Variants in MARCHF1 observed in about 807,000 individuals in gnomAD.
MARCHF1 encodes E3 ubiquitin-protein ligase MARCHF1.
Under a neutral mutation model 54.2 loss-of-function variants are expected in MARCHF1, and 40 were observed. The observed-to-expected ratio is 0.74, with a 90% CI of 0.57 to 0.96. The LOEUF (loss-of-function observed/expected upper bound fraction) is 0.96. MARCHF1 is among the 40% of genes least tolerant of loss of function. The pLI, the probability that MARCHF1 is intolerant of heterozygous loss-of-function variation, is 0.00. For missense variants in MARCHF1, 586 were observed against 656.5 expected, an observed-to-expected ratio of 0.89 and a Z score of 1.17; for synonymous variants, 236 against 236.3, an observed-to-expected ratio of 1.00 and a Z score of 0.01.
intron 5 of MARCHF1, among the ~76,000 whole-genome samples, chr4:163,651,797 CTT>C (rs112084563): frequency 6.2e-5 from 9 of 145,360 alleles, no homozygotes; most frequent in African/African-American, 7.5e-5. Context: ...TCCATTTCCA[CTT>C]TTTTTTTTTT....
intron 4 of MARCHF1, among the ~76,000 whole-genome samples, chr4:163,820,957 T>C (rs1203071868): frequency 6.6e-6 from 1 of 152,024 alleles, no homozygotes; most frequent in African/African-American, 2.4e-5. Flanking sequence ...AACTACCTGC[T>C]TAAAATTCCT....
At chr4:163,695,488 T>C (rs1691601199) in intron 5 of MARCHF1, among the ~76,000 whole-genome samples, 1 of 152,146 alleles carries the variant, frequency 6.6e-6, no homozygotes, top group African/African-American at 2.4e-5. Context: ...CCTTGAAATT[T>C]TGTAAGATAT....
chr4:163,756,214 T>G (rs1444336129), intron 4 of MARCHF1, among the ~76,000 whole-genome samples: 1 of 152,154 alleles, frequency 6.6e-6, no homozygotes, highest in Non-Finnish European at 1.5e-5. Context: ...AGAAAAATAC[T>G]TTGTCCAAAG....
chr4:163,558,061 T>C (rs1739347538), intron 8 of MARCHF1, among the ~76,000 whole-genome samples: 1 of 152,072 alleles, frequency 6.6e-6, no homozygotes, highest in Non-Finnish European at 1.5e-5. Context: ...TCTGTGAAAA[T>C]ACATGGAGTT....
chr4:163,761,152 T>C (rs1305865947), intron 4 of MARCHF1, among the ~76,000 whole-genome samples: 1 of 152,242 alleles, frequency 6.6e-6, no homozygotes, highest in Non-Finnish European at 1.5e-5. Context: ...TGCTGATGTT[T>C]ATCAGTCATA....
chr4:163,898,109 A>G (rs925089288), intron 3 of MARCHF1, among the ~76,000 whole-genome samples: 3 of 151,088 alleles, frequency 2.0e-5, no homozygotes, highest in South Asian at 4.2e-4. Context: ...ACTAGAAAAA[A>G]CTCTTTTGGA....
At chr4:163,948,097 T>C (rs1339690206) in intron 3 of MARCHF1, among the ~76,000 whole-genome samples, 1 of 152,232 alleles carries the variant, frequency 6.6e-6, no homozygotes, top group Non-Finnish European at 1.5e-5. Context: ...TGTCTTCTAC[T>C]ATAGCACATT....
intron 1 of MARCHF1, among the ~76,000 whole-genome samples, chr4:164,282,815 A>G (rs1385193388): frequency 5.3e-5 from 8 of 151,216 alleles, no homozygotes; most frequent in Non-Finnish European, 1.2e-4. Flanking sequence ...CCATGTGATA[A>G]TTATTTCTAG....
intron 1 of MARCHF1, chr4:164,383,630 A>C (rs1014764161): frequency 1.3e-5 from 2 of 152,152 alleles, no homozygotes; most frequent in African/African-American, 2.4e-5. Flanking sequence ...GCCTCCTCTC[A>C]CCAGAGAGGC....
intron 2 of MARCHF1, among the ~76,000 whole-genome samples, chr4:163,994,286 G>GTA (rs1753023335): frequency 6.6e-6 from 1 of 151,202 alleles, no homozygotes; most frequent in Admixed American, 6.6e-5. Flanking sequence ...GTGTGTGTGT[G>GTA]TGTGTGTGTG....
intron 1 of MARCHF1, among the ~76,000 whole-genome samples, chr4:164,316,185 A>G (rs1438060541): frequency 7.9e-5 from 12 of 152,222 alleles, no homozygotes; most frequent in African/African-American, 2.9e-4. Context: ...TGGTAACAGA[A>G]TCAGAACTGG....
Position 164,260,120 on chromosome 4 carries a change from A to C in MARCHF1, c.-323+123750T>G, listed in dbSNP as rs1420026867. On this transcript the variant is annotated intron_variant, in intron 1 of 9. Transcript: ENST00000514618. ...AAATAATTTTCTTCTTGACATTAAAAAAAATCTAAAAAGTTTTATCTTTTC... is the reference window on the plus strand; with the variant it reads ...AAATAATTTTCTTCTTGACATTAAACAAAATCTAAAAAGTTTTATCTTTTC... Among the ~76,000 whole-genome samples the C allele has an allele frequency of 2.0e-5, 3 of 152,204 alleles. No individual in the cohort carries two copies. In the East Asian group the frequency reaches 5.8e-4, roughly 29 times the overall value.
chr4:163,843,689 C>G (rs1749404488), intron 4 of MARCHF1, among the ~76,000 whole-genome samples: 1 of 152,056 alleles, frequency 6.6e-6, no homozygotes, highest in African/African-American at 2.4e-5. Flanking sequence ...ATTCTCTCCC[C>G]CTGCCACTTG....
chr4:164,198,174 C>G (rs947460941), intron 1 of MARCHF1, among the ~76,000 whole-genome samples: 7 of 152,146 alleles, frequency 4.6e-5, no homozygotes, highest in Non-Finnish European at 1.5e-5. Flanking sequence ...TTGGTGAGAT[C>G]TCCCCTCAAA....
At chr4:163,607,958 T>A (rs929659988) in intron 7 of MARCHF1, among the ~76,000 whole-genome samples, 1 of 152,106 alleles carries the variant, frequency 6.6e-6, no homozygotes, top group African/African-American at 2.4e-5. Flanking sequence ...ATTCTTTCCA[T>A]GTTGGCTCTA....
At chr4:163,888,799 C>G (rs1045064971) in intron 3 of MARCHF1, among the ~76,000 whole-genome samples, 2 of 152,096 alleles carry the variant, frequency 1.3e-5, no homozygotes, top group African/African-American at 2.4e-5. Context: ...AGGTCCTCTT[C>G]TTGGAGATCA....
intron 1 of MARCHF1, among the ~76,000 whole-genome samples, chr4:164,237,062 C>T (rs1732581989): frequency 6.6e-6 from 1 of 152,166 alleles, no homozygotes; most frequent in South Asian, 2.1e-4. Context: ...TTCAAATAAA[C>T]TCAACTTTCC....
Position 164,057,061 on chromosome 4 carries a change from ATAGCAAAT to A in MARCHF1, c.-248+54519_-248+54526del, listed in dbSNP as rs1412219161. Among the ~76,000 whole-genome samples the A allele has an allele frequency of 3.9e-5, 6 of 152,298 alleles. No individual in the cohort carries two copies. The South Asian group carries it at 6.2e-4, about 16-fold the overall frequency. ...TAATGCTAAGGGAATGTAACACTAA[ATAGCAAAT>A]TAAAAACACTGTGACACATAAAGAA... On this transcript the variant is annotated intron_variant, in intron 2 of 9. Coordinates refer to ENST00000514618, the MANE Select transcript of MARCHF1 (RefSeq NM_001394959.1).
At chr4:164,282,966 A>G (rs1734061866) in intron 1 of MARCHF1, among the ~76,000 whole-genome samples, 1 of 151,244 alleles carries the variant, frequency 6.6e-6, no homozygotes, top group Admixed American at 6.7e-5. Flanking sequence ...CTCTGCATCC[A>G]TCACTGTGGA....
Sources: gnomAD v4.1 joint callset for allele counts (sites outside exome capture counted in the v4.1 genomes callset) on GRCh38, gnomAD v4.1.1 for gene constraint, MANE v1.5 for transcripts, NCBI Gene and HGNC (gene_info 2026-07-23, HGNC 2026-07-21) for gene names.